Variants in IPO9 observed in about 807,000 individuals in gnomAD.
IPO9 encodes the protein importin-9.
A neutral mutation model predicts 128.6 loss-of-function variants in IPO9; 28 were observed. That is an observed-to-expected ratio of 0.22 (90% CI 0.16 to 0.30). The LOEUF (loss-of-function observed/expected upper bound fraction) is 0.30, where lower values mean the gene tolerates loss of function less well. Ranked by LOEUF, IPO9 falls within the 10% of genes least tolerant of loss-of-function variation. The pLI is 1.00. For synonymous variants in IPO9, 455 were observed against 475.8 expected (o/e 0.96, Z 0.57); for missense variants, 935 against 1,293.9 (o/e 0.72, Z 4.26).
At position 201,874,824 on chromosome 1, in the gene IPO9, C is replaced by T; in HGVS notation, c.2834-8C>T. 1 of 1,581,648 alleles carries T rather than the reference C, an allele frequency of 6.3e-7. No individual in the cohort carries two copies. Among genetic ancestry groups the T allele is most frequent in the Non-Finnish European group, 8.7e-7 (1 of 1,150,494 alleles). On this transcript the variant is annotated splice_polypyrimidine_tract_variant and splice_region_variant and intron_variant, in intron 21 of 23. Transcript: ENST00000361565. Reference sequence around the variant, plus strand: ...CTCTAGCTCTAGCTGCTTTTCATCTCCAAGTAGATGACTCCAATGATATGT... The same window carrying T: ...CTCTAGCTCTAGCTGCTTTTCATCTTCAAGTAGATGACTCCAATGATATGT...
At chr1:201,836,579 T>A (rs955776446) in intron 1 of IPO9, among the ~76,000 whole-genome samples, 7 of 152,004 alleles carry the variant, frequency 4.6e-5, no homozygotes, top group African/African-American at 1.7e-4. Context: ...TAGCACGGAG[T>A]TTACCATCAA....
chr1:201,835,182 A>G (rs1312278929), intron 1 of IPO9: 3 of 152,324 alleles, frequency 2.0e-5, no homozygotes, highest in South Asian at 2.1e-4. Flanking sequence ...TTCTCCAACA[A>G]TCCCTGTTCA....
intron 1 of IPO9, among the ~76,000 whole-genome samples, chr1:201,838,098 T>A (rs149275239): frequency 6.6e-6 from 1 of 152,284 alleles, no homozygotes; most frequent in East Asian, 1.9e-4. Flanking sequence ...AATGCTGTTA[T>A]GTCCCAGATA....
intron 1 of IPO9, among the ~76,000 whole-genome samples, chr1:201,843,963 A>G (rs10920261): frequency 0.014 from 2,083 of 152,248 alleles, 43 homozygotes; most frequent in African/African-American, 0.045. Context: ...ATAAAGGAGA[A>G]GGGACAGTAC....
chr1:201,840,312 C>G (rs1571539864), intron 1 of IPO9, among the ~76,000 whole-genome samples: 4 of 152,326 alleles, frequency 2.6e-5, no homozygotes, highest in South Asian at 2.1e-4. Flanking sequence ...CTCAAGTGAT[C>G]TGCTTGCCTT....
At chr1:201,864,467 C>T (rs1019447984) in intron 14 of IPO9, among the ~76,000 whole-genome samples, 16 of 152,140 alleles carry the variant, frequency 1.1e-4, no homozygotes, top group African/African-American at 3.9e-4. Context: ...AAGAGAGAGC[C>T]CTAAGCTGCT....
chr1:201,865,697 T>C (rs750118025), intron 14 of IPO9, among the ~76,000 whole-genome samples: 11 of 152,236 alleles, frequency 7.2e-5, no homozygotes, highest in Admixed American at 6.5e-5. Flanking sequence ...GTTTCACATT[T>C]TTCAACTCAA....
chr1:201,850,662 G>C (rs763083419), intron 4 of IPO9: 3 of 152,128 alleles, frequency 2.0e-5, no homozygotes, highest in Admixed American at 6.6e-5. Flanking sequence ...TGATACCAGG[G>C]ATGAGTATAG....
intron 1 of IPO9, among the ~76,000 whole-genome samples, chr1:201,834,482 TA>T (rs1488992517): frequency 3.3e-5 from 5 of 152,326 alleles, no homozygotes; most frequent in African/African-American, 7.2e-5. Context: ...ATTCGTGCTT[TA>T]TTTTTTTATA....
rs762635515 is a variant in IPO9 at position 201,870,841 on chromosome 1, A to G, written c.2392A>G (p.Thr798Ala). 3 of 1,613,088 alleles carry G rather than the reference A, an allele frequency of 1.9e-6. No homozygotes were observed. Among genetic ancestry groups the G allele is most frequent in the Middle Eastern group, 1.7e-4 (1 of 6,060 alleles). The change falls in exon 18 of 24, where the codon ACG (threonine) becomes GCG (alanine). Residue 798 changes from threonine (T) to alanine (A), a missense_variant. Physicochemically the swap from Thr to Ala is moderately conservative, Grantham distance 58 (BLOSUM62 0). Around this residue, in one of 3 missense-constraint regions of IPO9, gnomAD observed 741 missense variants for 1,019.1 expected, o/e 0.73. Transcript: ENST00000361565. This position sits in a 1 kb window ranked among gnomAD's most constrained non-coding sequence, Gnocchi z 4.9. Reference protein sequence around the residue: ...AILSKMQQAETLSVMQSLIMV... With the variant: ...AILSKMQQAEALSVMQSLIMV... Reference sequence around the variant, plus strand: ...CCTCAGTAAGATGCAGCAGGCAGAGACGCTCAGTGTCATGCAGGTAAGAGA... The same window carrying G: ...CCTCAGTAAGATGCAGCAGGCAGAGGCGCTCAGTGTCATGCAGGTAAGAGA...
At chr1:201,846,371 G>A (rs979281107) in intron 1 of IPO9, among the ~76,000 whole-genome samples, 1 of 152,054 alleles carries the variant, frequency 6.6e-6, no homozygotes, top group Non-Finnish European at 1.5e-5. Flanking sequence ...TTTTTGTTTT[G>A]TTTTGTTTGT....
Position 201,868,720 on chromosome 1 carries a change from T to C in IPO9, c.1928T>C (p.Met643Thr). ...CAGATTGAAGCCTGTCAGGGCCCAA[T>C]GCAAATGAGGCTGATTCCCACTCTG... ...LSQIEACQGP[M>T]QMRLIPTLVS... The change falls in exon 16 of 24, where the codon ATG becomes ACG. Residue 643 changes from methionine (M) to threonine (T), a missense_variant. By Grantham distance (81) the Met-to-Thr change is moderately conservative. Transcript: ENST00000361565. The C allele has an allele frequency of 6.2e-7, 1 of 1,614,030 alleles. No homozygotes were observed. The highest frequency in any genetic ancestry group is 8.5e-7 in the Non-Finnish European group (1 of 1,179,974).
chr1:201,856,877 G>A (rs1284055918), intron 10 of IPO9, among the ~76,000 whole-genome samples: 1 of 151,996 alleles, frequency 6.6e-6, no homozygotes, highest in Non-Finnish European at 1.5e-5. Flanking sequence ...TGTAGAGGTG[G>A]GGTCTCACTA....
At chr1:201,849,401 G>T (rs1680177783) in intron 4 of IPO9, among the ~76,000 whole-genome samples, 1 of 152,146 alleles carries the variant, frequency 6.6e-6, no homozygotes, top group African/African-American at 2.4e-5. Flanking sequence ...ACTCTGTTTT[G>T]CCTTCAAGAA....
intron 1 of IPO9, among the ~76,000 whole-genome samples, chr1:201,846,622 C>T (rs1473321822): frequency 1.3e-5 from 2 of 152,096 alleles, no homozygotes; most frequent in African/African-American, 4.8e-5. Flanking sequence ...ATCCACCTGC[C>T]TTGGCCTCCC....
At chr1:201,838,323 A>G (rs1679978050) in intron 1 of IPO9, among the ~76,000 whole-genome samples, 2 of 152,144 alleles carry the variant, frequency 1.3e-5, no homozygotes, top group Admixed American at 1.3e-4. Flanking sequence ...CTTTAAATGG[A>G]TTTCACATGT....
intron 4 of IPO9, chr1:201,850,792 T>C (rs1680199738): frequency 6.6e-6 from 1 of 152,186 alleles, no homozygotes; most frequent in Non-Finnish European, 1.5e-5. Context: ...AATTTCTAAA[T>C]AAAATAGAAC....
At chr1:201,860,964 G>C (rs574680048) in intron 13 of IPO9, among the ~76,000 whole-genome samples, 1 of 152,034 alleles carries the variant, frequency 6.6e-6, no homozygotes, top group East Asian at 1.9e-4. Flanking sequence ...TCAGGAGTTC[G>C]AGACCAGCCT....
chr1:201,837,109 T>C (rs1679956508), intron 1 of IPO9, among the ~76,000 whole-genome samples: 1 of 152,190 alleles, frequency 6.6e-6, no homozygotes, highest in African/African-American at 2.4e-5. Flanking sequence ...CCTACGTTGG[T>C]CTTAATCTTC....
Sources: allele counts gnomAD v4.1 joint callset (sites outside exome capture counted in the v4.1 genomes callset), GRCh38; gene constraint gnomAD v4.1.1; regional missense constraint gnomAD v4.1.1; non-coding constraint Gnocchi (gnomAD v3.1); transcripts MANE v1.5; gene names NCBI Gene and HGNC (gene_info 2026-07-23, HGNC 2026-07-21).